CYP39A1: variants seen among roughly 807,000 people sequenced by gnomAD.
CYP39A1 encodes the protein 24-hydroxycholesterol 7-alpha-hydroxylase.
A neutral mutation model predicts 58.1 loss-of-function variants in CYP39A1; 49 were observed. The ratio of observed to expected loss-of-function variants is 0.84; its 90% CI spans 0.67 to 1.07. The LOEUF (loss-of-function observed/expected upper bound fraction) is 1.07. Ranked by LOEUF, CYP39A1 falls within the 50% of genes least tolerant of loss-of-function variation. The probability of loss-of-function intolerance (pLI) is 0.00; values close to 1 mark genes in which losing one functional copy is unlikely to be tolerated. For missense variants in CYP39A1, 531 were observed against 539.4 expected (o/e 0.98, Z 0.16); for synonymous variants, 209 against 187.6 (o/e 1.11, Z -0.93).
chr6:46,580,743 A>G (rs1442327127), intron 10 of CYP39A1, among the ~76,000 whole-genome samples: 1 of 152,208 alleles, frequency 6.6e-6, no homozygotes, highest in Non-Finnish European at 1.5e-5. Context: ...CAAGTATATA[A>G]AAAACTGTTC....
intron 10 of CYP39A1, among the ~76,000 whole-genome samples, chr6:46,584,432 A>G (rs570023947): frequency 1.3e-5 from 2 of 152,246 alleles, no homozygotes; most frequent in African/African-American, 4.8e-5. Context: ...TTAAAGCCAC[A>G]GTCCACCTCA....
intron 10 of CYP39A1, among the ~76,000 whole-genome samples, chr6:46,556,614 T>C (rs997093832): frequency 2.6e-5 from 4 of 152,152 alleles, no homozygotes; most frequent in Non-Finnish European, 5.9e-5. Flanking sequence ...GTACAGCACA[T>C]GGACCATTAG....
At chr6:46,619,053 AC>A (rs1774797072) in intron 7 of CYP39A1, among the ~76,000 whole-genome samples, 1 of 152,120 alleles carries the variant, frequency 6.6e-6, no homozygotes, top group African/African-American at 2.4e-5. Flanking sequence ...TAAACTGTTG[AC>A]TTGTCCCTTC....
intron 11 of CYP39A1, among the ~76,000 whole-genome samples, chr6:46,552,524 GTTTTA>G (rs1770455800): frequency 5.3e-5 from 8 of 152,150 alleles, no homozygotes; most frequent in Admixed American, 5.2e-4. Flanking sequence ...TCACCTAAGA[GTTTTA>G]TTTATCTCTC....
At chr6:46,650,217 C>A (rs903789099) in intron 1 of CYP39A1, among the ~76,000 whole-genome samples, 1 of 152,002 alleles carries the variant, frequency 6.6e-6, no homozygotes, top group Admixed American at 6.6e-5. Context: ...GAAAGAAGGG[C>A]AGTCCTCTCA....
rs777413561 is a variant in CYP39A1, at chr6:46,588,117, G to C, written c.1078C>G (p.Pro360Ala). 12 of 1,588,098 alleles carry C rather than the reference G, an allele frequency of 7.6e-6. No individual in the cohort carries two copies. The South Asian group carries it at 1.3e-4, about 17-fold the overall frequency. ...KPVEILNYII[P>A]SGDLLMLSPF... ...GACAACATCAACAAGTCACCAGAAG[G>C]AATGATGTAATTCTATAACAGAAAA... is the stretch of plus-strand genomic sequence containing the variant. The change falls in exon 9 of 12, where the codon CCT becomes GCT. Residue 360 changes from proline (P) to alanine (A), a missense_variant. Pro to Ala is a conservative substitution (Grantham distance 27). Transcript: ENST00000275016.
intron 11 of CYP39A1, among the ~76,000 whole-genome samples, chr6:46,553,550 T>C (rs759317263): frequency 6.6e-6 from 1 of 152,196 alleles, no homozygotes; most frequent in Non-Finnish European, 1.5e-5. Flanking sequence ...AAGACTGCTA[T>C]TAAGTCCCAG....
intron 8 of CYP39A1, 64 bp downstream of exon 8, chr6:46,595,923 T>G: frequency 1.3e-6 from 2 of 1,486,230 alleles, no homozygotes; most frequent in Non-Finnish European, 1.8e-6. Flanking sequence ...GAAAAATATA[T>G]GTGGGCAAAA....
At chr6:46,615,584 C>CT (rs966684463) in intron 7 of CYP39A1, among the ~76,000 whole-genome samples, 18 of 151,662 alleles carry the variant, frequency 1.2e-4, no homozygotes, top group Admixed American at 6.6e-4. Context: ...TGCTCATCCT[C>CT]TTTTTTTTAT....
At chr6:46,645,124 C>A (rs1349109953) in intron 1 of CYP39A1, among the ~76,000 whole-genome samples, 1 of 152,126 alleles carries the variant, frequency 6.6e-6, no homozygotes, top group African/African-American at 2.4e-5. Flanking sequence ...TTTTACAGAG[C>A]AAATGCTTTT....
chr6:46,590,415 G>C (rs999905655), intron 8 of CYP39A1, among the ~76,000 whole-genome samples: 2 of 152,088 alleles, frequency 1.3e-5, no homozygotes, highest in Non-Finnish European at 2.9e-5. Flanking sequence ...AGCTAAGTGG[G>C]TGCCAGGAAT....
At chr6:46,603,802 T>A (rs9463215) in intron 7 of CYP39A1, among the ~76,000 whole-genome samples, 1 of 152,174 alleles carries the variant, frequency 6.6e-6, no homozygotes, top group Non-Finnish European at 1.5e-5. Flanking sequence ...CTGCCTTATA[T>A]AGAAAAAGTT....
Position 46,639,484 on chromosome 6 carries a change from G to A in CYP39A1, c.488+10C>T, listed in dbSNP as rs201056041. ...AAGCAAGACTAAATCATACTAATGCGTCTATTTACCTTACTAAGTTGTTCA... is the reference window on the plus strand; with the variant it reads ...AAGCAAGACTAAATCATACTAATGCATCTATTTACCTTACTAAGTTGTTCA... On this transcript the variant is annotated intron_variant, in intron 3 of 11. Coordinates refer to ENST00000275016, the MANE Select transcript of CYP39A1 (RefSeq NM_016593.5). The A allele has an allele frequency of 7.7e-5, 124 of 1,611,954 alleles. 1 individual carries two copies. In the Middle Eastern group the frequency reaches 3.8e-3, roughly 49 times the overall value.
At chr6:46,635,907 C>T (rs1775956165) in intron 5 of CYP39A1, among the ~76,000 whole-genome samples, 1 of 152,070 alleles carries the variant, frequency 6.6e-6, no homozygotes, top group Non-Finnish European at 1.5e-5. Flanking sequence ...CTGGTGCTGT[C>T]GGTTTATGGG....
chr6:46,642,390 G>T, intron 1 of CYP39A1, 92 bp from the exon 2 acceptor site: 1 of 1,237,474 alleles, frequency 8.1e-7, no homozygotes, highest in Non-Finnish European at 1.1e-6. Context: ...TGAAGTTATA[G>T]TCAAAAGAAA....
In CYP39A1 at chr6:46,630,138, C is replaced by A. The variant is rs956464729; in HGVS notation, c.840+825G>T. ...CAAAACAACAACAACAACAAAAAAA[C>A]CCACAAAAAACAGTTTTTTAAGTCT... is the stretch of plus-strand genomic sequence containing the variant. On this transcript the variant is annotated intron_variant, in intron 6 of 11. Coordinates refer to ENST00000275016, the MANE Select transcript of CYP39A1 (RefSeq NM_016593.5). 2.4e-4 allele frequency among the ~76,000 whole-genome samples: 35 copies of A among 147,094 alleles called. 1 individual carries two copies. Among genetic ancestry groups the A allele is most frequent in the Admixed American group, 4.0e-4 (6 of 15,082 alleles).
At chr6:46,598,401 A>G (rs1275717337) in intron 7 of CYP39A1, among the ~76,000 whole-genome samples, 2 of 152,188 alleles carry the variant, frequency 1.3e-5, no homozygotes, top group African/African-American at 4.8e-5. Flanking sequence ...TTACTAGCAC[A>G]TGGCATAAAC....
chr6:46,639,659 G>C lies in CYP39A1; in HGVS notation c.323C>G (p.Pro108Arg), dbSNP rs772635683. 6.2e-7 allele frequency: 1 copy of C among 1,610,790 alleles called. No individual in the cohort carries two copies. Among genetic ancestry groups the C allele is most frequent in the Non-Finnish European group, 8.5e-7 (1 of 1,178,698 alleles). Residue 108 changes from proline to arginine, a missense_variant, in exon 3 of 12, where the codon CCA (proline) becomes CGA (arginine). Coordinates refer to ENST00000275016, the MANE Select transcript of CYP39A1 (RefSeq NM_016593.5). ...ATGCAGTGCTAAAAAGACATTCTTTGGAATTGATGCTATGAACAAAGAAAA... is the reference window on the plus strand; with the variant it reads ...ATGCAGTGCTAAAAAGACATTCTTTCGAATTGATGCTATGAACAAAGAAAA... ...QNIVYRTASI[P>R]KNVFLALHEK...
chr6:46,565,455 G>C (rs1176191987), intron 10 of CYP39A1, among the ~76,000 whole-genome samples: 1 of 151,602 alleles, frequency 6.6e-6, no homozygotes, highest in Non-Finnish European at 1.5e-5. Context: ...AGGGATAAGG[G>C]TAAGCTGAAT....
Sources: allele counts gnomAD v4.1 joint callset (sites outside exome capture counted in the v4.1 genomes callset), GRCh38; gene constraint gnomAD v4.1.1; transcripts MANE v1.5; gene names NCBI Gene and HGNC (gene_info 2026-07-23, HGNC 2026-07-21).